FILIP1: variants seen among roughly 807,000 people sequenced by gnomAD.
FILIP1 encodes the protein filamin A interacting protein 1.
A neutral mutation model predicts 102.1 loss-of-function variants in FILIP1; 61 were observed. The observed-to-expected ratio is 0.60, with a 90% CI of 0.49 to 0.74. FILIP1 has a LOEUF of 0.74. Ranked by LOEUF, FILIP1 falls within the 30% of genes least tolerant of loss-of-function variation. The pLI, the probability that FILIP1 is intolerant of heterozygous loss-of-function variation, is 0.00. For synonymous variants in FILIP1, 491 were observed against 526.9 expected (o/e 0.93, Z 0.93); for missense variants, 1,314 against 1,441.2 (o/e 0.91, Z 1.43).
intron 4 of FILIP1, among the ~76,000 whole-genome samples, chr6:75,343,253 A>G (rs528358735): frequency 6.6e-6 from 1 of 152,342 alleles, no homozygotes; most frequent in Admixed American, 6.5e-5. Flanking sequence ...CTGGACTTTC[A>G]GCCTCTGGAA....
intron 2 of FILIP1, chr6:75,385,705 G>C (rs927817294): frequency 1.3e-5 from 2 of 152,056 alleles, no homozygotes. Flanking sequence ...TAATCTTCTT[G>C]AGGGAAGATG....
chr6:75,315,977 T>C (rs1773431775), intron 4 of FILIP1, among the ~76,000 whole-genome samples: 1 of 152,234 alleles, frequency 6.6e-6, no homozygotes, highest in Non-Finnish European at 1.5e-5. Flanking sequence ...TTGATTTTAG[T>C]TCACACCAGA....
chr6:75,363,383 C>T (rs1240269278), intron 2 of FILIP1, among the ~76,000 whole-genome samples: 1 of 152,190 alleles, frequency 6.6e-6, no homozygotes, highest in Admixed American at 6.5e-5. Flanking sequence ...AATTAACAAA[C>T]AGCCTTTATT....
intron 4 of FILIP1, among the ~76,000 whole-genome samples, chr6:75,320,722 A>G (rs1773624715): frequency 6.6e-6 from 1 of 152,260 alleles, no homozygotes; most frequent in Non-Finnish European, 1.5e-5. Context: ...ATTTTATATT[A>G]ATAGTGGTTA....
In FILIP1 at chr6:75,308,455, G is replaced by C. The variant is rs1304072678; in HGVS notation, c.*236C>G. On this transcript the variant is annotated 3_prime_UTR_variant, in exon 6 of 6. Coordinates refer to ENST00000237172, the MANE Select transcript of FILIP1 (RefSeq NM_015687.5). ...GGTCCACTTGCTAGAAGCAAAACTG[G>C]AACTAGAAACCACGCCCTGGCTTCT... The C allele has an allele frequency of 9.7e-6, 13 of 1,342,530 alleles. No individual in the cohort carries two copies. The East Asian group carries it at 3.2e-4, about 33-fold the overall frequency. The allele number at this position is 1,342,530 out of a possible 1,614,324, so 83.2% of individuals were successfully genotyped here. A position where few individuals can be genotyped will look rare whatever the true frequency, so the allele number is the denominator to read the frequency against.
chr6:75,437,758 C>T (rs551067281), intron 1 of FILIP1, among the ~76,000 whole-genome samples: 52 of 152,220 alleles, frequency 3.4e-4, no homozygotes, highest in Middle Eastern at 3.4e-3. Context: ...CATCAAGAAC[C>T]GAGAATTAGT....
intron 1 of FILIP1, among the ~76,000 whole-genome samples, chr6:75,469,421 A>C (rs1158389013): frequency 6.6e-6 from 1 of 151,992 alleles, no homozygotes; most frequent in African/African-American, 2.4e-5. Flanking sequence ...CAATCCAACA[A>C]AGACAGAAAA....
intron 2 of FILIP1, among the ~76,000 whole-genome samples, chr6:75,376,429 C>A (rs1445278712): frequency 6.6e-6 from 1 of 152,140 alleles, no homozygotes; most frequent in Admixed American, 6.5e-5. Context: ...ATGTTGGTTA[C>A]TCCCCACCCC....
chr6:75,412,181 G>A (rs1777094901), intron 2 of FILIP1, among the ~76,000 whole-genome samples: 1 of 152,124 alleles, frequency 6.6e-6, no homozygotes, highest in Admixed American at 6.5e-5. Flanking sequence ...TGTAGCAATT[G>A]TGAATGGGAG....
intron 2 of FILIP1, among the ~76,000 whole-genome samples, chr6:75,375,520 G>C (rs1209379149): frequency 6.6e-6 from 1 of 152,108 alleles, no homozygotes; most frequent in Non-Finnish European, 1.5e-5. Context: ...TCATTTTCTG[G>C]GGTCTTCCAA....
intron 1 of FILIP1, among the ~76,000 whole-genome samples, chr6:75,428,808 T>C (rs1247133678): frequency 6.6e-6 from 1 of 152,164 alleles, no homozygotes; most frequent in Non-Finnish European, 1.5e-5. Flanking sequence ...TTTGCAGACA[T>C]GGTTTCAGTG....
At chr6:75,350,847 A>G (rs182247654) in intron 4 of FILIP1, among the ~76,000 whole-genome samples, 36 of 152,336 alleles carry the variant, frequency 2.4e-4, no homozygotes, top group African/African-American at 8.2e-4. Flanking sequence ...AATGAGAAAT[A>G]ATTCACACAG....
At chr6:75,491,917 C>G (rs1779969364) in intron 1 of FILIP1, among the ~76,000 whole-genome samples, 1 of 152,178 alleles carries the variant, frequency 6.6e-6, no homozygotes, top group African/African-American at 2.4e-5. Flanking sequence ...TGCCTAGAAT[C>G]AATGGTAGAT....
At chr6:75,425,936 G>C (rs1005073497) in intron 1 of FILIP1, among the ~76,000 whole-genome samples, 1 of 152,032 alleles carries the variant, frequency 6.6e-6, no homozygotes, top group Admixed American at 6.6e-5. Flanking sequence ...ACTCTCAACT[G>C]TGAGCATCTA....
intron 2 of FILIP1, among the ~76,000 whole-genome samples, chr6:75,380,331 GGT>G (rs202240659): frequency 0.053 from 8,089 of 151,964 alleles, 292 homozygotes; most frequent in Non-Finnish European, 0.076. Context: ...ATGCCTGAAA[GGT>G]ATAAATAGAC....
At position 75,315,117 on chromosome 6, in the gene FILIP1, C is replaced by T; in HGVS notation, c.715G>A (p.Glu239Lys). ...NAKRLNKLRDELVKLKSFALM... is the reference protein window; with the variant it reads ...NAKRLNKLRDKLVKLKSFALM... ...GCAAAGGATTTGAGTTTAACAAGCT[C>T]ATCTCTTAGTTTATTGAGTCGTTTA... The change falls in exon 5 of 6, where the codon GAG (glutamate) becomes AAG (lysine). Residue 239 changes from glutamate to lysine, a missense_variant. This residue lies in a region of FILIP1 where 494 missense variants were observed against 511.2 expected (regional missense o/e 0.97). Transcript: ENST00000237172. 1.9e-6 allele frequency: 3 copies of T among 1,612,140 alleles called. No individual in the cohort carries two copies. Among genetic ancestry groups the T allele is most frequent in the Non-Finnish European group, 2.5e-6 (3 of 1,179,484 alleles).
Position 75,313,112 on chromosome 6 carries a change from C to T in FILIP1, c.2720G>A (p.Gly907Asp). ...TGTCACTCGAATATGCAGGGGCTGG[C>T]CCTGCTTTGGTGAAAGGACTACCTC... is the stretch of plus-strand genomic sequence containing the variant. ...PGEVVLSPKQ[G>D]QPLHIRVTPD... The change falls in exon 5 of 6, where the codon GGC (glycine) becomes GAC (aspartate). Residue 907 changes from glycine (G) to aspartate (D), a missense_variant. Physicochemically the swap from Gly to Asp is moderately conservative, Grantham distance 94. This residue lies in a region of FILIP1 where 816 missense variants were observed against 913.1 expected (regional missense o/e 0.89). Coordinates refer to ENST00000237172, the MANE Select transcript of FILIP1 (RefSeq NM_015687.5). This position sits in a 1 kb window ranked among gnomAD's most constrained non-coding sequence, Gnocchi z 4.2. 1 of 1,614,120 alleles carries T rather than the reference C, an allele frequency of 6.2e-7. No homozygotes were observed. Among genetic ancestry groups the T allele is most frequent in the Non-Finnish European group, 8.5e-7 (1 of 1,180,034 alleles).
At chr6:75,325,158 A>G (rs1233536620) in intron 4 of FILIP1, among the ~76,000 whole-genome samples, 1 of 152,214 alleles carries the variant, frequency 6.6e-6, no homozygotes, top group African/African-American at 2.4e-5. Context: ...GTGCATGCCT[A>G]TAATCCCAGT....
At chr6:75,432,374 T>C (rs1777852816) in intron 1 of FILIP1, among the ~76,000 whole-genome samples, 1 of 152,188 alleles carries the variant, frequency 6.6e-6, no homozygotes, top group South Asian at 2.1e-4. Flanking sequence ...GCCAGGCCCT[T>C]GGTAAAGGAA....
Sources: gnomAD v4.1 joint callset for allele counts (sites outside exome capture counted in the v4.1 genomes callset) on GRCh38, gnomAD v4.1.1 for gene constraint, gnomAD v4.1.1 regional missense constraint, Gnocchi (gnomAD v3.1) non-coding constraint, MANE v1.5 for transcripts, NCBI Gene and HGNC (gene_info 2026-07-23, HGNC 2026-07-21) for gene names.